The following SLC25A17 variants were observed in gnomAD, a reference collection of about 807,000 sequenced individuals.
SLC25A17 encodes peroxisomal membrane protein PMP34.
SLC25A17 carries 26 observed loss-of-function variants against 38.5 expected under a neutral mutation model. The ratio of observed to expected loss-of-function variants is 0.68; its 90% CI spans 0.50 to 0.94. The LOEUF (loss-of-function observed/expected upper bound fraction) is 0.94. Ranked by LOEUF, SLC25A17 falls within the 40% of genes least tolerant of loss-of-function variation. SLC25A17 has a pLI of 0.00. For missense variants in SLC25A17, 333 were observed against 372.7 expected (o/e 0.89, Z 0.88); for synonymous variants, 139 against 136.2 (o/e 1.02, Z -0.14).
chr22:40,784,590 C>A, intron 4 of SLC25A17: 1 of 258,506 alleles, frequency 3.9e-6, no homozygotes, highest in Non-Finnish European at 8.3e-6. Flanking sequence ...CTGGGCAACA[C>A]AGAAAGACCC....
rs188219154 is a variant in SLC25A17 at position 40,819,344 on chromosome 22, C to G, written c.-96G>C. 1 of 1,353,756 alleles carries G rather than the reference C, an allele frequency of 7.4e-7. No homozygotes were observed. The allele number at this position is 1,353,756 out of a possible 1,614,324, so 83.9% of individuals were successfully genotyped here. On this transcript the variant is annotated 5_prime_UTR_variant, in exon 1 of 9. Coordinates refer to ENST00000435456, the MANE Select transcript of SLC25A17 (RefSeq NM_006358.4). The stretch of plus-strand genomic sequence containing the variant: ...GCACCGGAGCTCAGGGTGTGAGAGT[C>G]GCAATCCCCGCCCTCTCAAACCCGC...
At chr22:40,809,214 G>A (rs1043045403) in intron 1 of SLC25A17, among the ~76,000 whole-genome samples, 7 of 151,746 alleles carry the variant, frequency 4.6e-5, no homozygotes, top group Non-Finnish European at 1.0e-4. Context: ...TATCTTGGCC[G>A]GGCTCAGTGG....
Position 40,819,279 on chromosome 22 carries a change from T to G in SLC25A17, c.-31A>C. 1.2e-6 allele frequency: 2 copies of G among 1,611,870 alleles called. No homozygotes were observed. The highest frequency in any genetic ancestry group is 1.7e-4 in the Middle Eastern group (1 of 6,056). ...CGGCTCCTCGAAGACCCAGCCACAC[T>G]TTTCCCACAGATGCCGCAGCCAGTG... On this transcript the variant is annotated 5_prime_UTR_variant, in exon 1 of 9. Coordinates refer to ENST00000435456, the MANE Select transcript of SLC25A17 (RefSeq NM_006358.4).
chr22:40,814,763 AT>A (rs2057618735), intron 1 of SLC25A17, among the ~76,000 whole-genome samples: 1 of 15,984 alleles, frequency 6.3e-5, no homozygotes, highest in Non-Finnish European at 1.1e-4. Flanking sequence ...GAATATATAT[AT>A]ATATATATAT....
intron 1 of SLC25A17, among the ~76,000 whole-genome samples, chr22:40,816,198 C>G (rs543491024): frequency 2.4e-5 from 2 of 81,926 alleles, no homozygotes; most frequent in South Asian, 7.2e-4. Context: ...AACTCCATCT[C>G]AAAAAAAAAA....
At chr22:40,809,296 A>G (rs936578867) in intron 1 of SLC25A17, among the ~76,000 whole-genome samples, 1 of 151,918 alleles carries the variant, frequency 6.6e-6, no homozygotes, top group Admixed American at 6.6e-5. Flanking sequence ...GTTCAAGACC[A>G]CCATGGCCAA....
intron 4 of SLC25A17, among the ~76,000 whole-genome samples, chr22:40,790,379 T>C (rs1441617496): frequency 2.1e-5 from 3 of 145,442 alleles, no homozygotes; most frequent in Non-Finnish European, 3.0e-5. Context: ...GAGTGAACTT[T>C]AAAGTTAAAA....
rs6002160 is a variant in SLC25A17, at chr22:40,808,258, C to T, written c.55-9175G>A. On this transcript the variant is annotated intron_variant, in intron 1 of 8. Transcript: ENST00000435456. Reference sequence around the variant, plus strand: ...TTACAACACTCTATCTTCCCACCCCCACAGCATTTAACCATTCAGTGTTGG... The same window carrying T: ...TTACAACACTCTATCTTCCCACCCCTACAGCATTTAACCATTCAGTGTTGG... Among the ~76,000 whole-genome samples the T allele has an allele frequency of 1.5e-3, 232 of 152,308 alleles. 4 individuals carry two copies. The highest frequency in any genetic ancestry group is 5.3e-3 in the African/African-American group (220 of 41,554).
intron 1 of SLC25A17, among the ~76,000 whole-genome samples, chr22:40,816,621 T>C (rs2145716968): frequency 6.6e-6 from 1 of 151,570 alleles, no homozygotes; most frequent in African/African-American, 2.4e-5. Flanking sequence ...TTTTTTTTTT[T>C]TTTCTTGAGA....
chr22:40,787,684 GTTTTC>G (rs932883968), intron 4 of SLC25A17, among the ~76,000 whole-genome samples: 3 of 152,000 alleles, frequency 2.0e-5, no homozygotes, highest in East Asian at 3.9e-4. Context: ...GTTCTTGACA[GTTTTC>G]TTTTCTTCTT....
chr22:40,808,282 G>C (rs1459416429), intron 1 of SLC25A17, among the ~76,000 whole-genome samples: 1 of 152,124 alleles, frequency 6.6e-6, no homozygotes, highest in Non-Finnish European at 1.5e-5. Flanking sequence ...ATTCAGTGTT[G>C]GGAGAATAAG....
intron 1 of SLC25A17, among the ~76,000 whole-genome samples, chr22:40,808,293 T>A (rs1428914655): frequency 6.6e-6 from 1 of 152,194 alleles, no homozygotes; most frequent in Non-Finnish European, 1.5e-5. Context: ...GGAGAATAAG[T>A]GACTTCCTAC....
chr22:40,771,725 C>G (rs575251165), intron 8 of SLC25A17, among the ~76,000 whole-genome samples: 2 of 151,638 alleles, frequency 1.3e-5, no homozygotes, highest in African/African-American at 4.8e-5. Context: ...AGAGTAGTGG[C>G]GGGGGGAAGG....
At chr22:40,777,494 C>T (rs940000282) in intron 5 of SLC25A17, 121 bp from the exon 6 acceptor site, 3 of 1,191,284 alleles carry the variant, frequency 2.5e-6, no homozygotes, top group Non-Finnish European at 2.3e-6. Context: ...TAAAGATTTC[C>T]TTCTTGCAGC....
At position 40,792,443 on chromosome 22, in the gene SLC25A17, A is replaced by G. The variant is rs1276985000; in HGVS notation, c.334+82T>C. On this transcript the variant is annotated intron_variant, in intron 4 of 8. Coordinates refer to ENST00000435456, the MANE Select transcript of SLC25A17 (RefSeq NM_006358.4). ...ACTGGCTATATTCTTTGTAAGCATTACTTTGGGCTAAATAACCTCTTAGAG... is the reference window on the plus strand; with the variant it reads ...ACTGGCTATATTCTTTGTAAGCATTGCTTTGGGCTAAATAACCTCTTAGAG... 4 of 1,158,326 alleles carry G rather than the reference A, an allele frequency of 3.5e-6. No individual in the cohort carries two copies. In the Admixed American group the frequency reaches 8.3e-5, roughly 24 times the overall value. The allele number at this position is 1,158,326 out of a possible 1,614,324, so 71.8% of individuals were successfully genotyped here.
At chr22:40,815,090 A>G (rs1397706902) in intron 1 of SLC25A17, among the ~76,000 whole-genome samples, 1 of 152,096 alleles carries the variant, frequency 6.6e-6, no homozygotes, top group African/African-American at 2.4e-5. Context: ...AAGTGCTGGG[A>G]TTACAGGTGT....
chr22:40,790,047 A>G (rs918684203), intron 4 of SLC25A17, among the ~76,000 whole-genome samples: 1 of 151,662 alleles, frequency 6.6e-6, no homozygotes, highest in Admixed American at 6.6e-5. Context: ...CACACTCAAG[A>G]AAACACTTTA....
chr22:40,786,299 A>G (rs2057337307), intron 4 of SLC25A17, among the ~76,000 whole-genome samples: 1 of 151,350 alleles, frequency 6.6e-6, no homozygotes, highest in Non-Finnish European at 1.5e-5. Flanking sequence ...TGACAAAGTG[A>G]AACCCTGTTG....
chr22:40,772,093 G>C (rs2057189705), intron 8 of SLC25A17, among the ~76,000 whole-genome samples: 1 of 151,438 alleles, frequency 6.6e-6, no homozygotes. Context: ...ATTTCTCTTG[G>C]GTAAATACCC....
Sources: gnomAD v4.1 joint callset for allele counts (sites outside exome capture counted in the v4.1 genomes callset) on GRCh38, gnomAD v4.1.1 for gene constraint, MANE v1.5 for transcripts, NCBI Gene and HGNC (gene_info 2026-07-23, HGNC 2026-07-21) for gene names.